The following IL4R variants were observed in gnomAD, a reference collection of about 807,000 sequenced individuals.
IL4R encodes interleukin 4 receptor, also known as interleukin-4 receptor subunit alpha.
A neutral mutation model predicts 41.5 loss-of-function variants in IL4R; 17 were observed. That is an observed-to-expected ratio of 0.41 (90% CI 0.28 to 0.61). IL4R has a LOEUF of 0.61. IL4R is among the 20% of genes least tolerant of loss of function. The probability of loss-of-function intolerance (pLI) is 0.31; values close to 1 mark genes in which losing one functional copy is unlikely to be tolerated. For synonymous variants in IL4R, 402 were observed against 422.9 expected (o/e 0.95, Z 0.61); for missense variants, 974 against 1,043.1 (o/e 0.93, Z 0.91).
rs114132031 is a variant in IL4R at position 27,322,968 on chromosome 16, A to C, written c.-151-7098A>C. The stretch of plus-strand genomic sequence containing the variant: ...CAGGTTGGAGCCTGCACTTAGGCCC[A>C]GAGTTATGCTTCTGTGTCTCAGATG... On this transcript the variant is annotated intron_variant, in intron 1 of 10. Transcript: ENST00000395762. Among the ~76,000 whole-genome samples, 533 of 151,640 alleles carry C rather than the reference A, an allele frequency of 3.5e-3. 4 individuals are homozygous for C. Among genetic ancestry groups the C allele is most frequent in the African/African-American group, 0.012 (494 of 41,332 alleles).
At chr16:27,344,779 G>A (rs2085575962) in intron 4 of IL4R, 90 bp from the exon 5 acceptor site, 2 of 1,301,224 alleles carry the variant, frequency 1.5e-6, no homozygotes, top group Non-Finnish European at 2.2e-6. Flanking sequence ...GGAAGAGTCT[G>A]ATGCGGTTCC....
At chr16:27,351,917 G>A (rs1464201838) in intron 6 of IL4R, among the ~76,000 whole-genome samples, 1 of 152,194 alleles carries the variant, frequency 6.6e-6, no homozygotes, top group East Asian at 1.9e-4. Flanking sequence ...AATAGATCTT[G>A]GAAGTCACTT....
At chr16:27,329,189 C>A (rs780875222) in intron 1 of IL4R, among the ~76,000 whole-genome samples, 1 of 152,092 alleles carries the variant, frequency 6.6e-6, no homozygotes, top group Non-Finnish European at 1.5e-5. Context: ...CCCCTCTTGC[C>A]TTCCCCGTGA....
At chr16:27,352,258 C>A (rs2085903298) in intron 6 of IL4R, among the ~76,000 whole-genome samples, 1 of 152,202 alleles carries the variant, frequency 6.6e-6, no homozygotes, top group South Asian at 2.1e-4. Context: ...GACTCTTACC[C>A]TTGTTTTACA....
At chr16:27,325,289 C>CT (rs2084927105) in intron 1 of IL4R, among the ~76,000 whole-genome samples, 1 of 151,982 alleles carries the variant, frequency 6.6e-6, no homozygotes, top group Admixed American at 6.6e-5. Context: ...CCTTCAGAAT[C>CT]TGCCAGACGC....
intron 1 of IL4R, among the ~76,000 whole-genome samples, chr16:27,316,496 C>G (rs1350537858): frequency 1.3e-5 from 2 of 152,334 alleles, no homozygotes; most frequent in African/African-American, 2.4e-5. Flanking sequence ...TGCCCCACCT[C>G]TCGACTGCCC....
chr16:27,355,224 G>T, intron 7 of IL4R: 1 of 294,806 alleles, frequency 3.4e-6, no homozygotes. Flanking sequence ...GCAGAGGAAG[G>T]GGATGGAGCG....
rs1326264155 is a variant in IL4R, at chr16:27,342,204, A to G, written c.154A>G (p.Thr52Ala). ...TTGCGAGTGGAAGATGAATGGTCCC[A>G]CCAATTGCAGCACCGAGCTCCGCCT... is the stretch of plus-strand genomic sequence containing the variant. The part of the protein sequence containing the change: ...STCEWKMNGP[T>A]NCSTELRLLY... Residue 52 changes from threonine (T) to alanine (A), a missense_variant, in exon 4 of 11, where the codon ACC (threonine) becomes GCC (alanine). Physicochemically the swap from Thr to Ala is moderately conservative, Grantham distance 58. Around this residue, in one of 3 missense-constraint regions of IL4R, gnomAD observed 284 missense variants for 313.4 expected, o/e 0.91. Coordinates refer to ENST00000395762, the MANE Select transcript of IL4R (RefSeq NM_000418.4). The G allele has an allele frequency of 9.9e-6, 16 of 1,614,084 alleles. No individual in the cohort carries two copies. Among genetic ancestry groups the G allele is most frequent in the Non-Finnish European group, 1.2e-5 (14 of 1,180,046 alleles).
At chr16:27,323,446 T>G (rs1291652672) in intron 1 of IL4R, among the ~76,000 whole-genome samples, 1 of 152,208 alleles carries the variant, frequency 6.6e-6, no homozygotes, top group African/African-American at 2.4e-5. Flanking sequence ...AGTTTATGAC[T>G]GCTTCTGTGC....
At chr16:27,317,061 G>A (rs972454181) in intron 1 of IL4R, among the ~76,000 whole-genome samples, 6 of 151,998 alleles carry the variant, frequency 3.9e-5, no homozygotes, top group South Asian at 2.1e-4. Context: ...GTGCCACCAC[G>A]GCTGGCTAAT....
At chr16:27,332,463 C>A (rs933283393) in intron 2 of IL4R, among the ~76,000 whole-genome samples, 1 of 152,080 alleles carries the variant, frequency 6.6e-6, no homozygotes, top group Non-Finnish European at 1.5e-5. Context: ...CTTCCCCCAA[C>A]ACGTGGGGAT....
In IL4R at chr16:27,355,830, G is replaced by T. The variant is rs747087648; in HGVS notation, c.693G>T (p.Gln231His). The T allele has an allele frequency of 6.2e-7, 1 of 1,613,424 alleles. No homozygotes were observed. The change falls in exon 8 of 11, where the codon CAG (glutamine) becomes CAT (histidine). Residue 231 changes from glutamine to histidine, a missense_variant. Physicochemically the swap from Gln to His is conservative, Grantham distance 24. This residue lies in a region of IL4R where 284 missense variants were observed against 313.4 expected (regional missense o/e 0.91). Coordinates refer to ENST00000395762, the MANE Select transcript of IL4R (RefSeq NM_000418.4). ...CAGCCTACAGGGAGCCCTTCGAGCAGCACCTCCTGCTGGGCGTCAGCGTTT... is the reference window on the plus strand; with the variant it reads ...CAGCCTACAGGGAGCCCTTCGAGCATCACCTCCTGCTGGGCGTCAGCGTTT... The part of the protein sequence containing the change: ...WHNSYREPFE[Q>H]HLLLGVSVSC...
chr16:27,363,646 C>CT lies in IL4R; in HGVS notation c.2295dup (p.Pro766SerfsTer25). On this transcript the variant is annotated frameshift_variant, in exon 11 of 11. Transcript: ENST00000395762. LOFTEE classifies it low-confidence loss of function (END_TRUNC). ...ACCCCCCTGAGGGCCCCAGACCCCT[C>CT]TCCAGGTGGGGTTCCACTGGAGGCC... The CT allele has an allele frequency of 1.2e-6, 2 of 1,613,930 alleles. No homozygotes were observed. Among genetic ancestry groups the CT allele is most frequent in the Non-Finnish European group, 1.7e-6 (2 of 1,179,998 alleles).
At chr16:27,315,794 A>G (rs1413750417) in intron 1 of IL4R, among the ~76,000 whole-genome samples, 2 of 152,198 alleles carry the variant, frequency 1.3e-5, no homozygotes, top group East Asian at 3.8e-4. Flanking sequence ...TAAAAGCAAC[A>G]ATGCAGATTC....
chr16:27,359,113 G>C, intron 9 of IL4R, 119 bp downstream of exon 9: 1 of 748,700 alleles, frequency 1.3e-6, no homozygotes, highest in Non-Finnish European at 2.3e-6. Flanking sequence ...ACAGTCAGGA[G>C]GGTTGCAGGG....
At chr16:27,335,408 C>T (rs1174280954) in intron 2 of IL4R, among the ~76,000 whole-genome samples, 1 of 152,056 alleles carries the variant, frequency 6.6e-6, no homozygotes, top group Non-Finnish European at 1.5e-5. Context: ...GACTCTGTTG[C>T]CCAGGCTGGA....
At chr16:27,325,490 C>T (rs1219003040) in intron 1 of IL4R, among the ~76,000 whole-genome samples, 3 of 151,844 alleles carry the variant, frequency 2.0e-5, no homozygotes, top group Middle Eastern at 3.2e-3. Flanking sequence ...AGGAGAACTA[C>T]TTGAACCTGG....
At position 27,342,270 on chromosome 16, in the gene IL4R, G is replaced by A. The variant is rs368530689; in HGVS notation, c.209+11G>A. The A allele has an allele frequency of 4.3e-5, 69 of 1,613,944 alleles. No individual in the cohort carries two copies. The highest frequency in any genetic ancestry group is 2.5e-4 in the African/African-American group (19 of 74,926). On this transcript the variant is annotated intron_variant, in intron 4 of 10. Coordinates refer to ENST00000395762, the MANE Select transcript of IL4R (RefSeq NM_000418.4). ...TTTTCTGCTCTCCGAGTAAGCCTGC[G>A]CTGGAGCTGGAGGTTTGGGGAGGTT...
At chr16:27,359,184 C>G (rs1046977844) in intron 9 of IL4R, among the ~76,000 whole-genome samples, 190 bp downstream of exon 9, 2 of 152,210 alleles carry the variant, frequency 1.3e-5, no homozygotes, top group African/African-American at 4.8e-5. Flanking sequence ...CGCCCTTCCC[C>G]TTGGCAATCC....
Sources: allele counts gnomAD v4.1 joint callset (sites outside exome capture counted in the v4.1 genomes callset), GRCh38; gene constraint gnomAD v4.1.1; regional missense constraint gnomAD v4.1.1; transcripts MANE v1.5; gene names NCBI Gene and HGNC (gene_info 2026-07-23, HGNC 2026-07-21).